Variants in TRPC1 observed in about 807,000 individuals in gnomAD.
The protein encoded by TRPC1 is transient receptor potential cation channel subfamily C member 1, also known as short transient receptor potential channel 1.
A neutral mutation model predicts 88.2 loss-of-function variants in TRPC1; 42 were observed. The observed-to-expected ratio is 0.48, with a 90% CI of 0.37 to 0.62. The LOEUF is 0.62. TRPC1 is among the 20% of genes least tolerant of loss of function. TRPC1 has a pLI of 0.00. For missense variants in TRPC1, 699 were observed against 957.3 expected (o/e 0.73, Z 3.56); for synonymous variants, 288 against 331.8 (o/e 0.87, Z 1.43).
At chr3:142,793,591 A>G (rs1004824668) in intron 9 of TRPC1, among the ~76,000 whole-genome samples, 1 of 152,052 alleles carries the variant, frequency 6.6e-6, no homozygotes, top group Non-Finnish European at 1.5e-5. Context: ...GTTCAAGACT[A>G]AATTCTCAGT....
rs776318165 is a variant in TRPC1 at position 142,784,773 on chromosome 3, C to T, written c.1030C>T (p.Arg344Cys). 8.7e-6 allele frequency: 14 copies of T among 1,614,008 alleles called. No individual in the cohort carries two copies. The highest frequency in any genetic ancestry group is 5.3e-5 in the African/African-American group (4 of 74,924). Residue 344 changes from arginine (R) to cysteine (C), a missense_variant, in exon 7 of 13, where the codon CGC becomes TGC. Physicochemically the swap from Arg to Cys is radical, Grantham distance 180. This residue lies in a region of TRPC1 where 426 missense variants were observed against 641.3 expected (regional missense o/e 0.66). Coordinates refer to ENST00000476941, the MANE Select transcript of TRPC1 (RefSeq NM_001251845.2). ...GTTTGGACAGATGTCGGGTTACCGACGCAAGCCCACCTGTAAGAAGATAAT... is the reference window on the plus strand; with the variant it reads ...GTTTGGACAGATGTCGGGTTACCGATGCAAGCCCACCTGTAAGAAGATAAT... Reference protein sequence around the residue: ...VWFGQMSGYRRKPTCKKIMTV... With the variant: ...VWFGQMSGYRCKPTCKKIMTV...
chr3:142,752,460 C>T (rs1560099904), intron 4 of TRPC1, among the ~76,000 whole-genome samples: 1 of 152,242 alleles, frequency 6.6e-6, no homozygotes, highest in East Asian at 1.9e-4. Flanking sequence ...TCTCCCCTCC[C>T]GCCACAGGGC....
At chr3:142,760,389 C>T (rs1218746919) in intron 4 of TRPC1, among the ~76,000 whole-genome samples, 2 of 152,090 alleles carry the variant, frequency 1.3e-5, no homozygotes, top group African/African-American at 4.8e-5. Context: ...ATGAGTTGGT[C>T]ATAAATGCAT....
At chr3:142,743,817 T>C (rs1488157173) in intron 3 of TRPC1, among the ~76,000 whole-genome samples, 1 of 152,158 alleles carries the variant, frequency 6.6e-6, no homozygotes, top group Non-Finnish European at 1.5e-5. Context: ...TGTGGACCAG[T>C]ATTTACCATT....
chr3:142,724,796 G>T lies in TRPC1; in HGVS notation c.172+65G>T, dbSNP rs1933601788. 1.4e-6 allele frequency: 2 copies of T among 1,435,056 alleles called. No homozygotes were observed. The highest frequency in any genetic ancestry group is 9.2e-7 in the Non-Finnish European group (1 of 1,085,480). The allele number at this position is 1,435,056 out of a possible 1,614,324, so 88.9% of individuals were successfully genotyped here. On this transcript the variant is annotated intron_variant, in intron 1 of 12. Coordinates refer to ENST00000476941, the MANE Select transcript of TRPC1 (RefSeq NM_001251845.2). The surrounding 1 kb of genome is among the most constrained non-coding windows in gnomAD (Gnocchi z 5.6). ...CTCCAGACCTTTAGTCCTCTCCCCC[G>T]CCTCAACTTATATCGGGGCATTCCC...
intron 9 of TRPC1, among the ~76,000 whole-genome samples, chr3:142,795,665 A>G (rs1303128969): frequency 6.6e-6 from 1 of 151,968 alleles, no homozygotes; most frequent in African/African-American, 2.4e-5. Context: ...TTCCAGACAC[A>G]CAAAAGCTAA....
Position 142,805,993 on chromosome 3 carries a change from A to G in TRPC1, c.2155-15A>G, listed in dbSNP as rs368529473. ...CGTTTCTGCATATCCTTAGTATCAT[A>G]TTGTTGTTTTGAAGGAATGGAGGAA... On this transcript the variant is annotated splice_polypyrimidine_tract_variant and intron_variant, in intron 12 of 12. Transcript: ENST00000476941. 3.1e-6 allele frequency: 5 copies of G among 1,608,412 alleles called. No individual in the cohort carries two copies. In the African/African-American group the frequency reaches 5.4e-5, roughly 17 times the overall value.
intron 3 of TRPC1, among the ~76,000 whole-genome samples, chr3:142,745,469 CCCCAT>C (rs1934509690): frequency 2.0e-5 from 3 of 152,162 alleles, no homozygotes; most frequent in Admixed American, 1.3e-4. Context: ...TATGGAGAAA[CCCCAT>C]CTCTACTAAA....
Position 142,784,868 on chromosome 3 carries a change from G to A in TRPC1, c.1125G>A (p.Gln375=), listed in dbSNP as rs762915978. Residue 375 remains glutamine, a synonymous_variant, in exon 7 of 13, where the codon CAG becomes CAA. Transcript: ENST00000476941. ...GTTATTTGATAGCTCCCAAATCTCA[G>A]TTTGGCAGAATCATTCACACACCTT... is the stretch of plus-strand genomic sequence containing the variant. ...SLCYLIAPKS[Q]FGRIIHTPFM... 7 of 1,614,116 alleles carry A rather than the reference G, an allele frequency of 4.3e-6. No homozygotes were observed. Among genetic ancestry groups the A allele is most frequent in the African/African-American group, 4.0e-5 (3 of 75,050 alleles).
At chr3:142,740,947 G>A (rs1221088928) in intron 2 of TRPC1, among the ~76,000 whole-genome samples, 1 of 152,126 alleles carries the variant, frequency 6.6e-6, no homozygotes, top group Non-Finnish European at 1.5e-5. Flanking sequence ...CTAAAGATTG[G>A]AGAGCATCAA....
chr3:142,729,801 T>TA (rs1933823690), intron 1 of TRPC1, among the ~76,000 whole-genome samples: 1 of 152,152 alleles, frequency 6.6e-6, no homozygotes, highest in Admixed American at 6.5e-5. Context: ...TTTCAAAAGT[T>TA]ATCACTAAGA....
intron 4 of TRPC1, among the ~76,000 whole-genome samples, chr3:142,759,215 G>C (rs575066481): frequency 6.6e-6 from 1 of 152,118 alleles, no homozygotes; most frequent in Non-Finnish European, 1.5e-5. Context: ...TGGGTCAAAT[G>C]GTATTTCTAG....
chr3:142,772,566 C>T (rs867726593), intron 4 of TRPC1, among the ~76,000 whole-genome samples: 1 of 152,032 alleles, frequency 6.6e-6, no homozygotes, highest in Non-Finnish European at 1.5e-5. Flanking sequence ...GAGGCTAAGG[C>T]GGGTGAATCA....
chr3:142,785,713 C>A (rs1936113597), intron 7 of TRPC1, among the ~76,000 whole-genome samples: 1 of 152,128 alleles, frequency 6.6e-6, no homozygotes. Context: ...ATTGGCCAGG[C>A]TGGTCTCGAA....
intron 4 of TRPC1, among the ~76,000 whole-genome samples, chr3:142,761,372 C>A (rs1935179005): frequency 6.6e-6 from 1 of 152,128 alleles, no homozygotes; most frequent in African/African-American, 2.4e-5. Context: ...TGTATCATGT[C>A]TATTGATACA....
At chr3:142,761,585 C>T (rs898143520) in intron 4 of TRPC1, among the ~76,000 whole-genome samples, 1 of 152,072 alleles carries the variant, frequency 6.6e-6, no homozygotes, top group African/African-American at 2.4e-5. Context: ...ATGCTGGCCT[C>T]TTTGGATGAG....
At chr3:142,766,413 T>A (rs1056039929) in intron 4 of TRPC1, among the ~76,000 whole-genome samples, 13 of 151,692 alleles carry the variant, frequency 8.6e-5, no homozygotes, top group South Asian at 2.1e-4. Flanking sequence ...TTTTTTCTTT[T>A]TTTTTGAGAT....
At chr3:142,733,435 C>A (rs1160538366) in intron 1 of TRPC1, among the ~76,000 whole-genome samples, 1 of 152,132 alleles carries the variant, frequency 6.6e-6, no homozygotes, top group Non-Finnish European at 1.5e-5. Context: ...TCGCTTGAAC[C>A]CAGGAGGCAG....
At chr3:142,782,569 A>G (rs112235457) in intron 6 of TRPC1, among the ~76,000 whole-genome samples, 31 of 152,306 alleles carry the variant, frequency 2.0e-4, no homozygotes, top group African/African-American at 7.5e-4. Flanking sequence ...GGGCATGGCA[A>G]TCATGATTTT....
Sources: gnomAD v4.1 joint callset for allele counts (sites outside exome capture counted in the v4.1 genomes callset) on GRCh38, gnomAD v4.1.1 for gene constraint, gnomAD v4.1.1 regional missense constraint, Gnocchi (gnomAD v3.1) non-coding constraint, MANE v1.5 for transcripts, NCBI Gene and HGNC (gene_info 2026-07-23, HGNC 2026-07-21) for gene names.